Variants in ZNF800 observed in about 807,000 individuals in gnomAD.
The protein encoded by ZNF800 is zinc finger protein 800.
In ZNF800, 13 loss-of-function variants were observed where a neutral mutation model predicts 59.5. The ratio of observed to expected loss-of-function variants is 0.22; its 90% confidence interval spans 0.14 to 0.35. The LOEUF is 0.35. ZNF800 is among the 10% of genes least tolerant of loss of function. The pLI is 1.00. For missense variants in ZNF800, 621 were observed against 783.7 expected (o/e 0.79, Z 2.48); for synonymous variants, 266 against 265.7 (o/e 1.00, Z -0.01).
In ZNF800 at chr7:127,379,870, CAGAGAGAGAGAG is replaced by C. The variant is rs71179575; in HGVS notation, c.158-2553_158-2542del. ...CCCCCCCACCCCCCCCACACACACA[CAGAGAGAGAGAG>C]AGAGAGAGAGGGAGAGAGAGCGCAA... On this transcript the variant is annotated intron_variant, in intron 3 of 5. Coordinates refer to ENST00000265827, the MANE Select transcript of ZNF800 (RefSeq NM_176814.5). Among the ~76,000 whole-genome samples, 252 of 83,882 alleles carry C rather than the reference CAGAGAGAGAGAG, an allele frequency of 3.0e-3. 4 individuals are homozygous for C. Among genetic ancestry groups the C allele is most frequent in the African/African-American group, 0.014 (244 of 16,836 alleles). The allele number at this position is 83,882 out of a possible 152,430, so 55.0% of individuals were successfully genotyped here. A position where few individuals can be genotyped will look rare whatever the true frequency, so the allele number is the denominator to read the frequency against.
At chr7:127,358,469 C>T (rs181513475) in intron 1 of ZNF800, among the ~76,000 whole-genome samples, 10 of 152,126 alleles carry the variant, frequency 6.6e-5, no homozygotes, top group Admixed American at 4.6e-4. Context: ...ATTCAGTCCC[C>T]TTGGTGCTAT....
At position 127,373,363 on chromosome 7, in the gene ZNF800, G is replaced by T; in HGVS notation, c.1973C>A (p.Thr658Lys). 1 of 1,605,996 alleles carries T rather than the reference G, an allele frequency of 6.2e-7. No individual in the cohort carries two copies. The highest frequency in any genetic ancestry group is 8.5e-7 in the Non-Finnish European group (1 of 1,175,774). Residue 658 changes from threonine to lysine, a missense_variant, in exon 5 of 6, where the codon ACA becomes AAA. Physicochemically the swap from Thr to Lys is moderately conservative, Grantham distance 78. Coordinates refer to ENST00000265827, the MANE Select transcript of ZNF800 (RefSeq NM_176814.5). ...PEGNKTKGRSTRSKALV is the reference protein window; with the variant it reads ...PEGNKTKGRSKRSKALV ...TCACCAGACAAGAGCCTTAGATCTT[G>T]TACTTCGGCCTTTGGTTTTGTTTCC... is the stretch of plus-strand genomic sequence containing the variant.
intron 4 of ZNF800, among the ~76,000 whole-genome samples, chr7:127,376,696 CT>C (rs1800796039): frequency 6.6e-6 from 1 of 151,894 alleles, no homozygotes; most frequent in African/African-American, 2.4e-5. Context: ...TTAATAAAGA[CT>C]TTTTAATGCT....
downstream of ZNF800, among the ~76,000 whole-genome samples, chr7:127,365,520 C>A (rs1004027212): frequency 6.6e-6 from 1 of 152,086 alleles, no homozygotes; most frequent in African/African-American, 2.4e-5. Context: ...TCTCAAAATA[C>A]ATTCCTGTAC....
At chr7:127,365,662 G>A (rs555614922), downstream of ZNF800, among the ~76,000 whole-genome samples, 128 of 152,178 alleles carry the variant, frequency 8.4e-4, no homozygotes, top group African/African-American at 3.1e-3. Context: ...CAGCAAATTC[G>A]TGAACAATTA....
At chr7:127,366,128 C>T (rs1800502565), downstream of ZNF800, among the ~76,000 whole-genome samples, 1 of 152,072 alleles carries the variant, frequency 6.6e-6, no homozygotes, top group Non-Finnish European at 1.5e-5. Flanking sequence ...GAAGCCAGGA[C>T]TTGAATTCAG....
In ZNF800 at chr7:127,370,890, T is replaced by C. The variant is rs1339434186; in HGVS notation, c.*924A>G. On this transcript the variant is annotated 3_prime_UTR_variant, in exon 6 of 6. Transcript: ENST00000265827. ...AGATTTTTCTTGGGAGAAAAAAAAA[T>C]CAGGGCTTACACCCGCATCTTCCTT... 4 of 152,424 alleles carry C rather than the reference T, an allele frequency of 2.6e-5. No homozygotes were observed. Among genetic ancestry groups the C allele is most frequent in the African/African-American group, 2.4e-5 (1 of 41,440 alleles). 9.4% of individuals were successfully genotyped at this position (152,424 alleles called of 1,614,324 possible).
chr7:127,381,497 A>G (rs1049282294), intron 3 of ZNF800, among the ~76,000 whole-genome samples: 7 of 152,128 alleles, frequency 4.6e-5, no homozygotes, highest in Admixed American at 6.5e-5. Context: ...CTTAAGTAGA[A>G]TACAATTATC....
chr7:127,389,000 C>T (rs1801226700), intron 2 of ZNF800, among the ~76,000 whole-genome samples: 1 of 152,140 alleles, frequency 6.6e-6, no homozygotes, highest in Non-Finnish European at 1.5e-5. Flanking sequence ...AACCAAAAAA[C>T]CCAAATCCTC....
intron 1 of ZNF800, among the ~76,000 whole-genome samples, chr7:127,356,376 G>T (rs2117034413): frequency 6.6e-6 from 1 of 152,038 alleles, no homozygotes; most frequent in African/African-American, 2.4e-5. Context: ...CACAGGGCAA[G>T]AAAGAATATC....
At chr7:127,386,343 T>A (rs1370038029) in intron 2 of ZNF800, among the ~76,000 whole-genome samples, 188 bp from the exon 3 acceptor site, 2 of 152,120 alleles carry the variant, frequency 1.3e-5, no homozygotes, top group Admixed American at 6.5e-5. Flanking sequence ...TAAGGCAAAA[T>A]GAAACAATGG....
At position 127,374,646 on chromosome 7, in the gene ZNF800, C is replaced by T; in HGVS notation, c.690G>A (p.Leu230=). The stretch of plus-strand genomic sequence containing the variant: ...ATTCTTTTCTACAAAGACAACATAT[C>T]AACTGGTGACCAAAATCAGAATTGT... ...TSDNSDFGHQ[L]ICCLCRKEFN... is the part of the protein sequence containing the mutation. Residue 230 remains leucine (L), a synonymous_variant, in exon 5 of 6, where the codon TTG becomes TTA. Transcript: ENST00000265827. The T allele has an allele frequency of 6.2e-7, 1 of 1,614,034 alleles. No homozygotes were observed. The highest frequency in any genetic ancestry group is 8.5e-7 in the Non-Finnish European group (1 of 1,179,928).
At chr7:127,379,684 A>C (rs1800896589) in intron 3 of ZNF800, among the ~76,000 whole-genome samples, 1 of 152,100 alleles carries the variant, frequency 6.6e-6, no homozygotes, top group Non-Finnish European at 1.5e-5. Flanking sequence ...AGACACTATC[A>C]ATTTCTTAAT....
downstream of ZNF800, among the ~76,000 whole-genome samples, chr7:127,346,592 G>A (rs1587416647): frequency 1.3e-5 from 2 of 152,158 alleles, no homozygotes; most frequent in African/African-American, 4.8e-5. Flanking sequence ...TAAACAGTGG[G>A]GAAAAAATGA....
downstream of ZNF800, among the ~76,000 whole-genome samples, chr7:127,365,726 T>C (rs1800491298): frequency 1.3e-5 from 2 of 152,124 alleles, no homozygotes; most frequent in African/African-American, 2.4e-5. Flanking sequence ...GCCCATAAAA[T>C]AACGAAGTGC....
chr7:127,386,791 G>T (rs1418109156), intron 2 of ZNF800, among the ~76,000 whole-genome samples: 1 of 152,174 alleles, frequency 6.6e-6, no homozygotes, highest in Admixed American at 6.5e-5. Context: ...CTTTTTCATG[G>T]CTGTTAGAAA....
rs1049314063 is a variant in ZNF800, at chr7:127,373,934, C to T, written c.1402G>A (p.Gly468Ser). Reference protein sequence around the residue: ...PKSTSPSAAGGQQKTRKPKLS... With the variant: ...PKSTSPSAAGSQQKTRKPKLS... ...TTTGGTTTTCTGGTTTTTTGCTGGC[C>T]ACCTGCAGCCGACGGACTAGTTGAT... Residue 468 changes from glycine (G) to serine (S), a missense_variant, in exon 5 of 6, where the codon GGC (glycine) becomes AGC (serine). By Grantham distance (56) the Gly-to-Ser change is moderately conservative. Transcript: ENST00000265827. 2 of 1,614,038 alleles carry T rather than the reference C, an allele frequency of 1.2e-6. No homozygotes were observed. The highest frequency in any genetic ancestry group is 1.3e-5 in the African/African-American group (1 of 74,920).
downstream of ZNF800, among the ~76,000 whole-genome samples, chr7:127,365,325 A>G (rs924793867): frequency 2.0e-5 from 3 of 152,074 alleles, no homozygotes; most frequent in African/African-American, 7.2e-5. Flanking sequence ...TACAGATTAG[A>G]TCATGTAATG....
downstream of ZNF800, among the ~76,000 whole-genome samples, chr7:127,345,846 G>T (rs1412066080): frequency 6.6e-6 from 1 of 152,154 alleles, no homozygotes; most frequent in Non-Finnish European, 1.5e-5. Context: ...TATCCCGGTA[G>T]GAAAGAATAG....
Sources: gnomAD v4.1 joint callset for allele counts (sites outside exome capture counted in the v4.1 genomes callset) on GRCh38, gnomAD v4.1.1 for gene constraint, MANE v1.5 for transcripts, NCBI Gene and HGNC (gene_info 2026-07-23, HGNC 2026-07-21) for gene names.